Variants in MYO7A observed in about 807,000 individuals in gnomAD.
The protein encoded by MYO7A is myosin VIIA.
In MYO7A, 210 loss-of-function variants were observed where a neutral mutation model predicts 263.8. The observed-to-expected ratio is 0.80, with a 90% confidence interval of 0.71 to 0.89. The LOEUF is 0.89. Among genes scored for constraint, MYO7A ranks in the 40% least tolerant of loss-of-function variants. The pLI, the probability that MYO7A is intolerant of heterozygous loss-of-function variation, is 0.00. For missense variants in MYO7A, 2,820 were observed against 2,968.3 expected, an observed-to-expected ratio of 0.95 and a Z score of 1.16; for synonymous variants, 1,239 against 1,197.3, an observed-to-expected ratio of 1.03 and a Z score of -0.72.
chr11:77,169,773 AGT>A (rs1442667477), intron 15 of MYO7A, among the ~76,000 whole-genome samples: 9 of 152,186 alleles, frequency 5.9e-5, no homozygotes, highest in African/African-American at 2.2e-4. Flanking sequence ...CCAGCAGAAG[AGT>A]GGATAGTTAG....
intron 31 of MYO7A, among the ~76,000 whole-genome samples, chr11:77,192,519 C>T (rs1262185051): frequency 3.3e-5 from 5 of 151,828 alleles, no homozygotes; most frequent in African/African-American, 9.7e-5. Context: ...TGGAGGAGGC[C>T]CCCACACTGC....
At chr11:77,162,709 G>A in intron 13 of MYO7A, 144 bp from the exon 14 acceptor site, 2 of 1,050,536 alleles carry the variant, frequency 1.9e-6, no homozygotes, top group Non-Finnish European at 1.4e-6. Context: ...TGGGGAAATG[G>A]GGTTCCAGAG....
chr11:77,199,900 A>G (rs1956943821), intron 35 of MYO7A, 82 bp downstream of exon 35: 2 of 1,308,140 alleles, frequency 1.5e-6, no homozygotes, highest in Non-Finnish European at 2.1e-6. Flanking sequence ...GTGTTGCTAT[A>G]ATGGAACACT....
chr11:77,184,866 T>G (rs1481563783), intron 27 of MYO7A, 151 bp downstream of exon 27: 2 of 1,298,522 alleles, frequency 1.5e-6, no homozygotes, highest in Non-Finnish European at 1.1e-6. Flanking sequence ...GGTGGAGTTA[T>G]TTCATCTTTC....
At chr11:77,154,388 G>C (rs1216202982) in intron 4 of MYO7A, among the ~76,000 whole-genome samples, 1 of 152,150 alleles carries the variant, frequency 6.6e-6, no homozygotes, top group African/African-American at 2.4e-5. Flanking sequence ...TGGGCTGGGG[G>C]TCCACAGGTC....
At chr11:77,179,646 G>A in intron 20 of MYO7A, 89 bp from the exon 21 acceptor site, 1 of 1,229,878 alleles carries the variant, frequency 8.1e-7, no homozygotes, top group Non-Finnish European at 1.1e-6. Context: ...CTGTCTGAGA[G>A]TGGAGGCCGG....
Position 77,192,181 on chromosome 11 carries a change from C to G in MYO7A, c.4055C>G (p.Thr1352Arg). The G allele has an allele frequency of 6.2e-7, 1 of 1,614,044 alleles. No individual in the cohort carries two copies. Residue 1352 changes from threonine to arginine, a missense_variant, in exon 31 of 49, where the codon ACG becomes AGG. Coordinates refer to ENST00000409709, the MANE Select transcript of MYO7A (RefSeq NM_000260.4). ...CTCTTCTTCCGCAAAGAGGTCTTCA[C>G]GCCCTGGCACAGCCCCTCCGAGGAC... ...WRLFFRKEVF[T>R]PWHSPSEDNV... is the part of the protein sequence containing the mutation.
In MYO7A at chr11:77,182,043, T is replaced by A. The variant is rs2135493809; in HGVS notation, c.2997T>A (p.Tyr999Ter). 2 of 1,613,392 alleles carry A rather than the reference T, an allele frequency of 1.2e-6. No individual in the cohort carries two copies. Among genetic ancestry groups the A allele is most frequent in the Non-Finnish European group, 1.7e-6 (2 of 1,179,802 alleles). ...PDEDEEDLSE[Y>*]KFAKFAATYF... ...AGGATGAGGAGGACCTCTCTGAGTA[T>A]AAATTTGCCAAGTTCGCGGCCACCT... The change falls in exon 24 of 49, where the codon TAT (tyrosine) becomes TAA (stop). Residue 999 changes from tyrosine (Y) to a stop codon, truncating the protein, a stop_gained. Coordinates refer to ENST00000409709, the MANE Select transcript of MYO7A (RefSeq NM_000260.4). LOFTEE classifies it high-confidence loss of function.
rs561284638 is a variant in MYO7A at position 77,207,189 on chromosome 11, C to T, written c.5743-100C>T. On this transcript the variant is annotated intron_variant, in intron 41 of 48. Coordinates refer to ENST00000409709, the MANE Select transcript of MYO7A (RefSeq NM_000260.4). ...TGTGCCCACAGGAGGGTGTCTGGCA[C>T]GGGAGGGGGCTCAGTATAGGAGGCA... is the stretch of plus-strand genomic sequence containing the variant. The T allele has an allele frequency of 4.0e-4, 300 of 744,894 alleles. 2 individuals carry two copies. The East Asian group carries it at 7.6e-3, about 19-fold the overall frequency. 46.1% of individuals were successfully genotyped at this position (744,894 alleles called of 1,614,324 possible).
chr11:77,190,788 A>G lies in MYO7A; in HGVS notation c.3842A>G (p.Lys1281Arg). 6.3e-7 allele frequency: 1 copy of G among 1,595,732 alleles called. No homozygotes were observed. The highest frequency in any genetic ancestry group is 8.5e-7 in the Non-Finnish European group (1 of 1,171,834). Reference protein sequence around the residue: ...TLLTDSATTAKELCNALADKI... With the variant: ...TLLTDSATTARELCNALADKI... ...CTGACGGACTCGGCAACCACGGCCA[A>G]GGAGCTCTGCAACGCGCTGGCCGAC... The change falls in exon 30 of 49, where the codon AAG (lysine) becomes AGG (arginine). Residue 1281 changes from lysine (K) to arginine (R), a missense_variant. Coordinates refer to ENST00000409709, the MANE Select transcript of MYO7A (RefSeq NM_000260.4).
intron 27 of MYO7A, among the ~76,000 whole-genome samples, chr11:77,185,156 C>A (rs1427632403): frequency 6.6e-6 from 1 of 152,130 alleles, no homozygotes; most frequent in African/African-American, 2.4e-5. Context: ...GCTGGAGGGT[C>A]TTGCCTTGAT....
chr11:77,165,407 G>A (rs1953440523), intron 14 of MYO7A, among the ~76,000 whole-genome samples: 2 of 152,162 alleles, frequency 1.3e-5, no homozygotes, highest in South Asian at 2.1e-4. Context: ...GTGGTGCAGG[G>A]GAATCTCCCT....
chr11:77,203,350 T>A (rs978886689), intron 38 of MYO7A, 133 bp downstream of exon 38: 1 of 1,016,432 alleles, frequency 9.8e-7, no homozygotes, highest in Non-Finnish European at 1.4e-6. Context: ...ACCCCCTCCC[T>A]TGCACCTTTT....
intron 29 of MYO7A, among the ~76,000 whole-genome samples, 158 bp downstream of exon 29, chr11:77,190,297 G>A (rs1955957438): frequency 6.6e-6 from 1 of 152,220 alleles, no homozygotes; most frequent in Non-Finnish European, 1.5e-5. Flanking sequence ...GGAACCCCAG[G>A]CCCATCGGAA....
intron 4 of MYO7A, among the ~76,000 whole-genome samples, chr11:77,151,529 T>A (rs1951962823): frequency 1.3e-5 from 2 of 152,134 alleles, no homozygotes; most frequent in African/African-American, 4.8e-5. Flanking sequence ...TACATCTCTG[T>A]GGCCTCAGAG....
chr11:77,192,978 T>TGATGC (rs1565442777), intron 31 of MYO7A, among the ~76,000 whole-genome samples: 2 of 22,212 alleles, frequency 9.0e-5, no homozygotes, highest in East Asian at 2.0e-3. Context: ...GTGGAGGTAG[T>TGATGC]TGTGATGGTG....
intron 19 of MYO7A, among the ~76,000 whole-genome samples, chr11:77,178,088 A>G (rs1472232714): frequency 6.6e-6 from 1 of 151,600 alleles, no homozygotes; most frequent in Non-Finnish European, 1.5e-5. Flanking sequence ...AAGCTCTGCA[A>G]AAATTCCACA....
At chr11:77,181,779 G>GTTTTTTT (rs782689084) in intron 23 of MYO7A, among the ~76,000 whole-genome samples, 172 bp from the exon 24 acceptor site, 4 of 90,048 alleles carry the variant, frequency 4.4e-5, no homozygotes, top group Non-Finnish European at 7.1e-5. Flanking sequence ...TTTTTTTTTT[G>GTTTTTTT]TTTTTTTTTT....
At position 77,179,282 on chromosome 11, in the gene MYO7A, C is replaced by T. The variant is rs561335676; in HGVS notation, c.2367+153C>T. The stretch of plus-strand genomic sequence containing the variant: ...GCCAGCCACTACCATTCCTCCAGAC[C>T]GAAGTCTGGATCTGGCTCTTGTGGC... On this transcript the variant is annotated intron_variant, in intron 20 of 48. Transcript: ENST00000409709. 3.3e-5 allele frequency among the ~76,000 whole-genome samples: 5 copies of T among 152,388 alleles called. 1 individual carries two copies. In the East Asian group the frequency reaches 9.6e-4, roughly 29 times the overall value.
Sources: allele counts gnomAD v4.1 joint callset (sites outside exome capture counted in the v4.1 genomes callset), GRCh38; gene constraint gnomAD v4.1.1; transcripts MANE v1.5; gene names NCBI Gene and HGNC (gene_info 2026-07-23, HGNC 2026-07-21).